CEACAM21: variants seen among roughly 807,000 people sequenced by gnomAD.
The protein encoded by CEACAM21 is CEA cell adhesion molecule 21.
CEACAM21 carries 38 observed loss-of-function variants against 33.2 expected under a neutral mutation model. The observed-to-expected ratio is 1.14, with a 90% confidence interval of 0.88 to 1.50. CEACAM21 has a LOEUF of 1.50. Ranked by LOEUF, CEACAM21 falls within the 40% of genes most tolerant of loss-of-function variation. CEACAM21 has a pLI of 0.00. For missense variants in CEACAM21, 385 were observed against 364.6 expected, an observed-to-expected ratio of 1.06 and a Z score of -0.46; for synonymous variants, 156 against 143.0, an observed-to-expected ratio of 1.09 and a Z score of -0.65.
At chr19:41,563,811 A>G (rs2122182894) in intron 1 of CEACAM21, among the ~76,000 whole-genome samples, 1 of 152,356 alleles carries the variant, frequency 6.6e-6, no homozygotes, top group East Asian at 1.9e-4. Context: ...CTCTCAGCAC[A>G]GGACCTAGGC....
chr19:41,574,563 A>G (rs760795429), upstream of CEACAM21, among the ~76,000 whole-genome samples: 5 of 152,206 alleles, frequency 3.3e-5, no homozygotes, highest in Non-Finnish European at 7.3e-5. Flanking sequence ...AAATATTAAA[A>G]TTGTCAGCAA....
upstream of CEACAM21, among the ~76,000 whole-genome samples, chr19:41,571,784 C>T (rs546681012): frequency 4.6e-5 from 7 of 152,332 alleles, no homozygotes; most frequent in East Asian, 9.6e-4. Context: ...AGCCCTGGGC[C>T]TTCTCTGAAC....
intron 3 of CEACAM21, among the ~76,000 whole-genome samples, chr19:41,581,524 C>T (rs992602312): frequency 6.6e-6 from 1 of 152,078 alleles, no homozygotes; most frequent in Non-Finnish European, 1.5e-5. Context: ...TTAGGATCTC[C>T]GCGACCGAGC....
chr19:41,570,263 A>T (rs951136491), intron 2 of CEACAM21, among the ~76,000 whole-genome samples: 1 of 152,138 alleles, frequency 6.6e-6, no homozygotes, highest in Admixed American at 6.5e-5. Flanking sequence ...GGAAGTGCTG[A>T]AGTGGAAAGT....
chr19:41,554,104 T>A (rs1437664197), intron 1 of CEACAM21, among the ~76,000 whole-genome samples: 1 of 152,012 alleles, frequency 6.6e-6, no homozygotes, highest in Admixed American at 6.5e-5. Context: ...AAGCAAAAAG[T>A]CAAAAAGATC....
At chr19:41,585,814 G>C (rs782067256) in intron 5 of CEACAM21, 26 bp from the exon 6 acceptor site, 12 of 1,609,878 alleles carry the variant, frequency 7.5e-6, no homozygotes, top group Middle Eastern at 1.6e-4. Flanking sequence ...TAACACTCTC[G>C]TGCTCACTTT....
At chr19:41,575,861 TGAG>T (rs1363321144), upstream of CEACAM21, among the ~76,000 whole-genome samples, 1 of 152,108 alleles carries the variant, frequency 6.6e-6, no homozygotes, top group African/African-American at 2.4e-5. Flanking sequence ...CTGGAGAGCA[TGAG>T]GAGACCCAGG....
intron 3 of CEACAM21, among the ~76,000 whole-genome samples, chr19:41,581,750 A>C (rs1555793625): frequency 6.6e-6 from 1 of 152,166 alleles, no homozygotes; most frequent in Non-Finnish European, 1.5e-5. Flanking sequence ...CTATCATGAG[A>C]ACAGCATGGG....
intron 1 of CEACAM21, among the ~76,000 whole-genome samples, chr19:41,556,496 C>T (rs1317654037): frequency 6.6e-6 from 1 of 152,200 alleles, no homozygotes; most frequent in Non-Finnish European, 1.5e-5. Flanking sequence ...GACTTCTGAC[C>T]ATAGAGCTCT....
rs374431132 is a variant in CEACAM21, at chr19:41,585,450, G to A, written c.805G>A (p.Asp269Asn). The A allele has an allele frequency of 1.6e-5, 26 of 1,613,632 alleles. No homozygotes were observed. Among genetic ancestry groups the A allele is most frequent in the Admixed American group, 5.0e-5 (3 of 59,966 alleles). Reference sequence around the variant, plus strand: ...AACCCTGACCTTTCCTAGGGCCAGCGATCAGAGTGACTTCAGGGAGCAGCA... The same window carrying A: ...AACCCTGACCTTTCCTAGGGCCAGCAATCAGAGTGACTTCAGGGAGCAGCA... Reference protein sequence around the residue: ...LLLRKTGRASDQSDFREQQPP... With the variant: ...LLLRKTGRASNQSDFREQQPP... Residue 269 changes from aspartate to asparagine, a missense_variant, in exon 5 of 7, where the codon GAT becomes AAT. By Grantham distance (23) the Asp-to-Asn change is conservative (BLOSUM62 1). Transcript: ENST00000401445.
chr19:41,581,543 GC>G lies in CEACAM21; in HGVS notation c.700+1916del, dbSNP rs111944348. Among the ~76,000 whole-genome samples, 519 of 152,230 alleles carry G rather than the reference GC, an allele frequency of 3.4e-3. 4 individuals are homozygous for G. The highest frequency in any genetic ancestry group is 0.012 in the African/African-American group (503 of 41,516). The stretch of plus-strand genomic sequence containing the variant: ...GATCTCCGCGACCGAGCTGGTCTTG[GC>G]TGCTGATAAAGACATACCTGAGACT... On this transcript the variant is annotated intron_variant, in intron 3 of 6. Transcript: ENST00000401445.
At position 41,586,515 on chromosome 19, in the gene CEACAM21, G is replaced by C. The variant is rs1454388521; in HGVS notation, c.*52G>C. ...TTACTGCTGGATCGACCACAAAGCA[G>C]ATGTGGCTTCTTAGGTTCCTCTGGG... is the stretch of plus-strand genomic sequence containing the variant. On this transcript the variant is annotated 3_prime_UTR_variant, in exon 7 of 7. Coordinates refer to ENST00000401445, the MANE Select transcript of CEACAM21 (RefSeq NM_001098506.4). 1 of 633,166 alleles carries C rather than the reference G, an allele frequency of 1.6e-6. No homozygotes were observed. The highest frequency in any genetic ancestry group is 4.1e-5 in the East Asian group (1 of 24,620). 39.2% of individuals were successfully genotyped at this position (633,166 alleles called of 1,614,324 possible). A position where few individuals can be genotyped will look rare whatever the true frequency, so the allele number is the denominator to read the frequency against.
chr19:41,562,630 GC>G (rs1452420127), intron 1 of CEACAM21, among the ~76,000 whole-genome samples: 1 of 151,922 alleles, frequency 6.6e-6, no homozygotes, highest in Non-Finnish European at 1.5e-5. Flanking sequence ...TAATAAAAAT[GC>G]AAAAACTACA....
chr19:41,577,352 G>A lies in CEACAM21; in HGVS notation c.217G>A (p.Val73Met). The A allele has an allele frequency of 1.9e-6, 3 of 1,613,986 alleles. No homozygotes were observed. Among genetic ancestry groups the A allele is most frequent in the African/African-American group, 1.3e-5 (1 of 74,980 alleles). Residue 73 changes from valine (V) to methionine (M), a missense_variant, in exon 2 of 7, where the codon GTG becomes ATG. Coordinates refer to ENST00000401445, the MANE Select transcript of CEACAM21 (RefSeq NM_001098506.4). ...CTATGGCTGGTACAAAGGGAAAACGGTGGAGCCCAACCAGCTAATCGCAGC... is the reference window on the plus strand; with the variant it reads ...CTATGGCTGGTACAAAGGGAAAACGATGGAGCCCAACCAGCTAATCGCAGC... The part of the protein sequence containing the change: ...YSYGWYKGKT[V>M]EPNQLIAAYV...
chr19:41,570,275 C>T (rs1479446061), intron 2 of CEACAM21, among the ~76,000 whole-genome samples: 1 of 152,110 alleles, frequency 6.6e-6, no homozygotes, highest in Admixed American at 6.6e-5. Context: ...GTGGAAAGTT[C>T]TGGAATGTTT....
chr19:41,568,153 T>C (rs1600202271), intron 2 of CEACAM21, among the ~76,000 whole-genome samples: 1 of 152,160 alleles, frequency 6.6e-6, no homozygotes, highest in Middle Eastern at 3.4e-3. Context: ...TTTTGGATAT[T>C]ATCTTCTTAT....
intron 1 of CEACAM21, among the ~76,000 whole-genome samples, chr19:41,552,751 C>T (rs566768145): frequency 1.3e-5 from 2 of 152,266 alleles, no homozygotes; most frequent in Admixed American, 6.5e-5. Context: ...TCGATTTGTT[C>T]CCAGTAGCAC....
At chr19:41,554,946 T>G (rs2122160156) in intron 1 of CEACAM21, 1 of 152,150 alleles carries the variant, frequency 6.6e-6, no homozygotes, top group East Asian at 1.9e-4. Context: ...AACCTTTTAA[T>G]CTAGGCAAAA....
intron 2 of CEACAM21, 86 bp downstream of exon 2, chr19:41,577,645 T>G: frequency 6.4e-7 from 1 of 1,572,074 alleles, no homozygotes; most frequent in Non-Finnish European, 8.6e-7. Flanking sequence ...TGTGCCTGCA[T>G]CCCCCTCTGC....
Sources: gnomAD v4.1 joint callset for allele counts (sites outside exome capture counted in the v4.1 genomes callset) on GRCh38, gnomAD v4.1.1 for gene constraint, MANE v1.5 for transcripts, NCBI Gene and HGNC (gene_info 2026-07-23, HGNC 2026-07-21) for gene names.